Variants in OTOF observed in about 807,000 individuals in gnomAD.
OTOF encodes the protein fer-1-like family member 2.
Under a neutral mutation model 236.8 loss-of-function variants are expected in OTOF, and 218 were observed. That is an observed-to-expected ratio of 0.92 (90% confidence interval 0.82 to 1.03). The LOEUF is 1.03. Among genes scored for constraint, OTOF ranks in the 50% least tolerant of loss-of-function variants. The pLI, the probability that OTOF is intolerant of heterozygous loss-of-function variation, is 0.00. For synonymous variants in OTOF, 1,041 were observed against 1,072.5 expected (o/e 0.97, Z 0.57); for missense variants, 2,590 against 2,694.4 (o/e 0.96, Z 0.86).
chr2:26,467,374 A>G lies in OTOF; in HGVS notation c.4218T>C (p.Asp1406=). 1 of 1,610,520 alleles carries G rather than the reference A, an allele frequency of 6.2e-7. No individual in the cohort carries two copies. The highest frequency in any genetic ancestry group is 8.5e-7 in the Non-Finnish European group (1 of 1,178,118). ...GCTCCTAGGCTCTCACCTTAAGCTC[A>G]TCAATCTTGGGTTTCTTCTTCTCGG... ...EAPEKKKPKI[D]ELKVYPKELE... is the part of the protein sequence containing the mutation. The change falls in exon 34 of 47, where the codon GAT becomes GAC. Residue 1406 remains aspartate (D), a synonymous_variant. Coordinates refer to ENST00000272371, the MANE Select transcript of OTOF (RefSeq NM_194248.3).
At position 26,477,904 on chromosome 2, in the gene OTOF, T is replaced by C. The variant is rs143933877; in HGVS notation, c.2215-155A>G. 1,491 of 1,534,770 alleles carry C rather than the reference T, an allele frequency of 9.7e-4. 25 individuals are homozygous for C. The South Asian group carries it at 0.011, about 12-fold the overall frequency. On this transcript the variant is annotated intron_variant, in intron 18 of 46. Coordinates refer to ENST00000272371, the MANE Select transcript of OTOF (RefSeq NM_194248.3). The surrounding 1 kb of genome is among the most constrained non-coding windows in gnomAD (Gnocchi z 4.7). The stretch of plus-strand genomic sequence containing the variant: ...AGTATCGGTCATCATGAGGAAGTCA[T>C]CAATTTCCCAGGTTCTGTTCTCAGA...
At chr2:26,527,319 A>T (rs1681753292) in intron 3 of OTOF, among the ~76,000 whole-genome samples, 1 of 152,250 alleles carries the variant, frequency 6.6e-6, no homozygotes, top group Non-Finnish European at 1.5e-5. Flanking sequence ...AGCACATTGA[A>T]ATCAGAGAGG....
rs373568741 is a variant in OTOF, at chr2:26,463,976, C to T, written c.5091G>A (p.Pro1697=). 1.4e-4 allele frequency: 225 copies of T among 1,613,852 alleles called. No individual in the cohort carries two copies. The East Asian group carries it at 2.5e-3, about 18-fold the overall frequency. The change falls in exon 40 of 47, where the codon CCG becomes CCA. Residue 1697 remains proline (P), a synonymous_variant. Coordinates refer to ENST00000272371, the MANE Select transcript of OTOF (RefSeq NM_194248.3). ...ATGCAAGTGTCACCTGCTCGATGCC[C>T]GGCTTGTCGGGGTTGAGCAGCGGCC... is the stretch of plus-strand genomic sequence containing the variant. The part of the protein sequence containing the change: ...ETRPLLNPDK[P]GIEQGRLELW...
At chr2:26,546,503 G>A (rs1006552978) in intron 1 of OTOF, among the ~76,000 whole-genome samples, 9 of 151,138 alleles carry the variant, frequency 6.0e-5, no homozygotes, top group Non-Finnish European at 1.2e-4. Flanking sequence ...GTGGACCCAT[G>A]TTGTTCAGGG....
At chr2:26,548,595 G>A (rs1414757695) in intron 1 of OTOF, among the ~76,000 whole-genome samples, 2 of 152,126 alleles carry the variant, frequency 1.3e-5, no homozygotes, top group Non-Finnish European at 2.9e-5. Flanking sequence ...TTTGGTCAAC[G>A]ACCACTTGGA....
chr2:26,516,422 G>A lies in OTOF; in HGVS notation c.505C>T (p.Arg169Trp), dbSNP rs61744348. Residue 169 changes from arginine (R) to tryptophan (W), a missense_variant, in exon 5 of 47, where the codon CGG (arginine) becomes TGG (tryptophan). Physicochemically the swap from Arg to Trp is moderately radical, Grantham distance 101. This residue lies in a region of OTOF where 1,379 missense variants were observed against 1,341.6 expected (regional missense o/e 1.03). Coordinates refer to ENST00000272371, the MANE Select transcript of OTOF (RefSeq NM_194248.3). ...SSRPPGEKSF[R>W]RAGRSVFSAM... ...CAGAGGGGTCCTGCCTGTTACCTCC[G>A]GAAGCTCTTCTCTCCTGGGGGCCGG... 1.5e-3 allele frequency: 2,355 copies of A among 1,613,680 alleles called. 30 individuals carry two copies. In the African/African-American group the frequency reaches 0.023, roughly 16 times the overall value.
chr2:26,503,548 G>A (rs1172795283), intron 6 of OTOF, among the ~76,000 whole-genome samples: 2 of 152,248 alleles, frequency 1.3e-5, no homozygotes, highest in Non-Finnish European at 2.9e-5. Context: ...CAACGAGGGC[G>A]GGAGGAGCCT....
intron 2 of OTOF, among the ~76,000 whole-genome samples, chr2:26,528,160 C>T (rs1666856587): frequency 6.6e-6 from 1 of 152,148 alleles, no homozygotes; most frequent in Admixed American, 6.5e-5. Context: ...TGTTGGAGGA[C>T]CTGCCCAAGG....
At chr2:26,538,546 A>T (rs980129294) in intron 1 of OTOF, among the ~76,000 whole-genome samples, 1 of 152,246 alleles carries the variant, frequency 6.6e-6, no homozygotes, top group African/African-American at 2.4e-5. Flanking sequence ...CCTCTTTGCT[A>T]GTCCAGCTGG....
At position 26,467,141 on chromosome 2, in the gene OTOF, C is replaced by T. The variant is rs867938979; in HGVS notation, c.4320G>A (p.Glu1440=). 5.0e-6 allele frequency: 8 copies of T among 1,613,828 alleles called. No homozygotes were observed. Among genetic ancestry groups the T allele is most frequent in the Middle Eastern group, 1.6e-4 (1 of 6,084 alleles). The part of the protein sequence containing the change: ...NLLRGKTGDD[E]DGSTEEERIV... ...TGCGCTCCTCCTCGGTGGAGCCATCCTCATCATCCCCGGTCTTGCCCCGAA... is the reference window on the plus strand; with the variant it reads ...TGCGCTCCTCCTCGGTGGAGCCATCTTCATCATCCCCGGTCTTGCCCCGAA... The change falls in exon 35 of 47, where the codon GAG becomes GAA. Residue 1440 remains glutamate, a synonymous_variant. Coordinates refer to ENST00000272371, the MANE Select transcript of OTOF (RefSeq NM_194248.3).
At chr2:26,497,543 T>C (rs1269099136) in intron 8 of OTOF, among the ~76,000 whole-genome samples, 1 of 152,180 alleles carries the variant, frequency 6.6e-6, no homozygotes, top group Non-Finnish European at 1.5e-5. Context: ...ACCACTAAAA[T>C]GATCATCCAG....
intron 3 of OTOF, among the ~76,000 whole-genome samples, chr2:26,522,712 C>T (rs1666706255): frequency 6.6e-6 from 1 of 152,228 alleles, no homozygotes; most frequent in South Asian, 2.1e-4. Flanking sequence ...GGAGCACTGG[C>T]CCGGGTGTCA....
At chr2:26,480,405 G>A in intron 15 of OTOF, 94 bp from the exon 16 acceptor site, 1 of 815,336 alleles carries the variant, frequency 1.2e-6, no homozygotes, top group Non-Finnish European at 2.1e-6. Context: ...GGCCGTGGGG[G>A]TGGATGGTGG....
intron 3 of OTOF, among the ~76,000 whole-genome samples, chr2:26,521,962 G>A (rs568540326): frequency 3.9e-5 from 6 of 152,152 alleles, no homozygotes; most frequent in Non-Finnish European, 7.4e-5. Context: ...TAATGAGCAG[G>A]GCTGGCCATC....
At chr2:26,511,953 C>T (rs971415075) in intron 5 of OTOF, among the ~76,000 whole-genome samples, 1 of 152,186 alleles carries the variant, frequency 6.6e-6, no homozygotes, top group Non-Finnish European at 1.5e-5. Flanking sequence ...CACTCTCTGC[C>T]CCTCTGTCTC....
chr2:26,465,176 C>G (rs1664668768), intron 38 of OTOF, 147 bp from the exon 39 acceptor site: 2 of 664,740 alleles, frequency 3.0e-6, no homozygotes, highest in South Asian at 2.8e-5. Flanking sequence ...CCCAGGCTCA[C>G]CTGAGACACT....
Position 26,502,288 on chromosome 2 carries a change from C to T in OTOF, c.710+12G>A. Reference sequence around the variant, plus strand: ...GGGGGCAGCTGGGGTTGCAGGGCTCCCGTCCACTCACCGCTTGTTGGAGAC... The same window carrying T: ...GGGGGCAGCTGGGGTTGCAGGGCTCTCGTCCACTCACCGCTTGTTGGAGAC... On this transcript the variant is annotated intron_variant, in intron 7 of 46. Coordinates refer to ENST00000272371, the MANE Select transcript of OTOF (RefSeq NM_194248.3). The T allele has an allele frequency of 1.9e-6, 3 of 1,613,968 alleles. No individual in the cohort carries two copies. The highest frequency in any genetic ancestry group is 2.5e-6 in the Non-Finnish European group (3 of 1,179,976).
chr2:26,479,542 TCGTCATC>T lies in OTOF; in HGVS notation c.2017_2023del (p.Asp673ArgfsTer68). 1 of 1,611,598 alleles carries T rather than the reference TCGTCATC, an allele frequency of 6.2e-7. No homozygotes were observed. The highest frequency in any genetic ancestry group is 8.5e-7 in the Non-Finnish European group (1 of 1,179,586). On this transcript the variant is annotated frameshift_variant, in exon 17 of 47. Coordinates refer to ENST00000272371, the MANE Select transcript of OTOF (RefSeq NM_194248.3). LOFTEE classifies it high-confidence loss of function. ...GGCCAGGTCCCCGGCATCACCGGCCTCGTCATCACTTGCGTTCTGAATCAGGTCTACT... is the reference window on the plus strand; with the variant it reads ...GGCCAGGTCCCCGGCATCACCGGCCTACTTGCGTTCTGAATCAGGTCTACT...
At chr2:26,483,026 CGT>C (rs1385738451) in intron 13 of OTOF, among the ~76,000 whole-genome samples, 2 of 83,748 alleles carry the variant, frequency 2.4e-5, no homozygotes, top group Middle Eastern at 0.011. Flanking sequence ...GGTGTGTGTG[CGT>C]GTGTGAGTGG....
Sources: allele counts gnomAD v4.1 joint callset (sites outside exome capture counted in the v4.1 genomes callset), GRCh38; gene constraint gnomAD v4.1.1; regional missense constraint gnomAD v4.1.1; non-coding constraint Gnocchi (gnomAD v3.1); transcripts MANE v1.5; gene names NCBI Gene and HGNC (gene_info 2026-07-23, HGNC 2026-07-21).